Variants in AUTS2 observed in about 807,000 individuals in gnomAD.
AUTS2 encodes autism susceptibility gene 2 protein.
A neutral mutation model predicts 112.4 loss-of-function variants in AUTS2; 17 were observed. The ratio of observed to expected loss-of-function variants is 0.15; its 90% confidence interval spans 0.10 to 0.23. The LOEUF (loss-of-function observed/expected upper bound fraction) is 0.23. Ranked by LOEUF, AUTS2 falls within the 10% of genes least tolerant of loss-of-function variation. The pLI is 1.00. For synonymous variants in AUTS2, 751 were observed against 702.7 expected (o/e 1.07, Z -1.09); for missense variants, 1,510 against 1,701.6 (o/e 0.89, Z 1.98).
chr7:70,248,033 AATGTTAAATCAATCT>A (rs1372652309), intron 4 of AUTS2, among the ~76,000 whole-genome samples: 1 of 152,184 alleles, frequency 6.6e-6, no homozygotes, highest in Non-Finnish European at 1.5e-5. Flanking sequence ...TTGATTTTCC[AATGTTAAATCAATCT>A]GTAATTCGGG....
intron 2 of AUTS2, among the ~76,000 whole-genome samples, chr7:69,972,045 T>C (rs1584510151): frequency 3.3e-5 from 5 of 152,226 alleles, no homozygotes; most frequent in Admixed American, 2.6e-4. Flanking sequence ...ATATTCTCTT[T>C]AGTGCACTGT....
At chr7:69,846,219 C>T (rs1008750535) in intron 1 of AUTS2, among the ~76,000 whole-genome samples, 5 of 151,910 alleles carry the variant, frequency 3.3e-5, no homozygotes, top group Non-Finnish European at 5.9e-5. Context: ...CAGAAAAAAA[C>T]GTAGTTGACC....
At chr7:70,425,814 A>G (rs1795411126) in intron 4 of AUTS2, among the ~76,000 whole-genome samples, 1 of 152,224 alleles carries the variant, frequency 6.6e-6, no homozygotes, top group South Asian at 2.1e-4. Flanking sequence ...ATGCTTTTTA[A>G]AAAAAGATAT....
chr7:70,407,560 A>C (rs2130348719), intron 4 of AUTS2, among the ~76,000 whole-genome samples: 1 of 152,310 alleles, frequency 6.6e-6, no homozygotes, highest in Admixed American at 6.5e-5. Context: ...CCGTCACATA[A>C]AGTGATTGTT....
chr7:70,471,919 G>T (rs912605450), intron 5 of AUTS2, among the ~76,000 whole-genome samples: 1 of 152,076 alleles, frequency 6.6e-6, no homozygotes, highest in African/African-American at 2.4e-5. Flanking sequence ...TAGCAAGCAG[G>T]CTGACCGGGC....
intron 2 of AUTS2, among the ~76,000 whole-genome samples, chr7:70,002,563 A>T (rs1799246220): frequency 6.6e-6 from 1 of 152,170 alleles, no homozygotes; most frequent in Non-Finnish European, 1.5e-5. Context: ...TGGCGAAAAT[A>T]AGATTTGCTA....
intron 1 of AUTS2, among the ~76,000 whole-genome samples, chr7:69,846,655 T>C (rs1170048385): frequency 6.6e-6 from 1 of 152,128 alleles, no homozygotes; most frequent in Non-Finnish European, 1.5e-5. Flanking sequence ...CTCACTACAA[T>C]CTCCACCTCT....
At chr7:70,456,996 C>T (rs909166173) in intron 5 of AUTS2, among the ~76,000 whole-genome samples, 1 of 152,194 alleles carries the variant, frequency 6.6e-6, no homozygotes, top group African/African-American at 2.4e-5. Flanking sequence ...ATCTCCACCC[C>T]CAAGCAGGTG....
At position 70,558,978 on chromosome 7, in the gene AUTS2, G is replaced by A. The variant is rs566865794; in HGVS notation, c.690+123197G>A. 3.3e-5 allele frequency among the ~76,000 whole-genome samples: 5 copies of A among 152,328 alleles called. No homozygotes were observed. In the East Asian group the frequency reaches 9.7e-4, roughly 29 times the overall value. Reference sequence around the variant, plus strand: ...TGGCTCTCACCTTGAATCGCACCTTGAATTGTAATAATCCCCATACGTTGT... The same window carrying A: ...TGGCTCTCACCTTGAATCGCACCTTAAATTGTAATAATCCCCATACGTTGT... On this transcript the variant is annotated intron_variant, in intron 5 of 18. Coordinates refer to ENST00000342771, the MANE Select transcript of AUTS2 (RefSeq NM_015570.4).
intron 2 of AUTS2, among the ~76,000 whole-genome samples, chr7:69,945,215 T>C (rs1469510119): frequency 6.6e-6 from 1 of 152,322 alleles, no homozygotes; most frequent in East Asian, 1.9e-4. Flanking sequence ...TTTTAGAACA[T>C]TTTATCACCC....
chr7:69,795,937 T>C (rs1463071280), intron 1 of AUTS2, among the ~76,000 whole-genome samples: 3 of 152,196 alleles, frequency 2.0e-5, no homozygotes, highest in Non-Finnish European at 2.9e-5. Context: ...TCTCTTTCCA[T>C]GTAATTACTT....
At chr7:69,690,528 C>T (rs1041315770) in intron 1 of AUTS2, among the ~76,000 whole-genome samples, 3 of 152,168 alleles carry the variant, frequency 2.0e-5, no homozygotes, top group Non-Finnish European at 2.9e-5. Flanking sequence ...GTGCAGGGTC[C>T]GGCCACTGGC....
At chr7:70,294,834 G>T (rs1241930340) in intron 4 of AUTS2, among the ~76,000 whole-genome samples, 1 of 152,190 alleles carries the variant, frequency 6.6e-6, no homozygotes, top group African/African-American at 2.4e-5. Context: ...AATAGGAAAT[G>T]CATAAGCCTG....
chr7:70,449,392 G>A (rs946662650), intron 5 of AUTS2, among the ~76,000 whole-genome samples: 1 of 152,216 alleles, frequency 6.6e-6, no homozygotes, highest in Non-Finnish European at 1.5e-5. Context: ...GTGGGTTGGT[G>A]TAACTTAAGC....
intron 5 of AUTS2, among the ~76,000 whole-genome samples, chr7:70,636,871 G>A (rs1805562148): frequency 6.6e-6 from 1 of 152,010 alleles, no homozygotes; most frequent in Admixed American, 6.6e-5. Flanking sequence ...TTGAACTCGT[G>A]GCCTCAAGTG....
intron 2 of AUTS2, among the ~76,000 whole-genome samples, chr7:70,051,700 C>G (rs976908064): frequency 6.6e-6 from 1 of 152,070 alleles, no homozygotes; most frequent in Admixed American, 6.5e-5. Flanking sequence ...TCCTGGGCAA[C>G]AAGAACAAAA....
In AUTS2 at chr7:69,970,356, A is replaced by T. The variant is rs536139515; in HGVS notation, c.522+70858A>T. Among the ~76,000 whole-genome samples the T allele has an allele frequency of 6.6e-5, 10 of 152,292 alleles. No individual in the cohort carries two copies. The East Asian group carries it at 1.5e-3, about 23-fold the overall frequency. On this transcript the variant is annotated intron_variant, in intron 2 of 18. Coordinates refer to ENST00000342771, the MANE Select transcript of AUTS2 (RefSeq NM_015570.4). ...TCTTTCTTGAGTTTCTGAGGTATAT[A>T]TTTAATTGGTTAGGTAGATATCTGT...
chr7:70,376,283 T>G (rs1179364443), intron 4 of AUTS2, among the ~76,000 whole-genome samples: 1 of 152,220 alleles, frequency 6.6e-6, no homozygotes, highest in Non-Finnish European at 1.5e-5. Context: ...CCTATTTTCA[T>G]TTTGGATTGG....
At chr7:70,480,574 G>A (rs1797752461) in intron 5 of AUTS2, among the ~76,000 whole-genome samples, 1 of 152,150 alleles carries the variant, frequency 6.6e-6, no homozygotes, top group Non-Finnish European at 1.5e-5. Flanking sequence ...CTTGGGATCA[G>A]GTGCTCTTGG....
Sources: gnomAD v4.1 joint callset for allele counts (sites outside exome capture counted in the v4.1 genomes callset) on GRCh38, gnomAD v4.1.1 for gene constraint, MANE v1.5 for transcripts, NCBI Gene and HGNC (gene_info 2026-07-23, HGNC 2026-07-21) for gene names.